The following PLEKHA7 variants were observed in gnomAD, a reference collection of about 807,000 sequenced individuals.
PLEKHA7 encodes the protein pleckstrin homology domain-containing family A member 7.
PLEKHA7 carries 104 observed loss-of-function variants against 170.0 expected under a neutral mutation model. That is an observed-to-expected ratio of 0.61 (90% CI 0.52 to 0.72). The LOEUF is 0.72. Among genes scored for constraint, PLEKHA7 ranks in the 30% least tolerant of loss-of-function variants. The pLI, the probability that PLEKHA7 is intolerant of heterozygous loss-of-function variation, is 0.00. For missense variants in PLEKHA7, 1,615 were observed against 1,671.7 expected (o/e 0.97, Z 0.59); for synonymous variants, 648 against 660.8 (o/e 0.98, Z 0.30).
chr11:16,869,802 G>GT (rs773065399), intron 4 of PLEKHA7, among the ~76,000 whole-genome samples: 1 of 152,154 alleles, frequency 6.6e-6, no homozygotes, highest in Non-Finnish European at 1.5e-5. Flanking sequence ...GTTTAAAGGT[G>GT]TAGATACTAA....
intron 3 of PLEKHA7, among the ~76,000 whole-genome samples, chr11:16,948,695 G>C (rs1861214621): frequency 6.6e-6 from 1 of 152,098 alleles, no homozygotes; most frequent in East Asian, 1.9e-4. Context: ...AGCTTCTCTT[G>C]CAAGTTCACA....
chr11:16,992,248 G>C (rs1259069572), intron 3 of PLEKHA7, among the ~76,000 whole-genome samples: 1 of 152,192 alleles, frequency 6.6e-6, no homozygotes. Flanking sequence ...CGCCACTGAA[G>C]GGCTGGGTGG....
intron 8 of PLEKHA7, chr11:16,842,334 G>T (rs380655): frequency 0.15 from 22,511 of 154,608 alleles, 1,891 homozygotes; most frequent in African/African-American, 0.22. Context: ...TGGCTAGGCG[G>T]GTGTCCCCTT....
At chr11:16,962,647 G>A (rs1862136561) in intron 3 of PLEKHA7, among the ~76,000 whole-genome samples, 1 of 152,278 alleles carries the variant, frequency 6.6e-6, no homozygotes, top group Admixed American at 6.5e-5. Context: ...TTTTAGTAGA[G>A]ATGTGGTTTC....
intron 3 of PLEKHA7, among the ~76,000 whole-genome samples, chr11:16,894,247 C>T (rs1033373174): frequency 6.6e-6 from 1 of 152,188 alleles, no homozygotes; most frequent in Non-Finnish European, 1.5e-5. Flanking sequence ...CTCACTATCT[C>T]ACTTCTAGGA....
intron 3 of PLEKHA7, among the ~76,000 whole-genome samples, chr11:16,951,660 A>T (rs1278240491): frequency 2.0e-5 from 3 of 152,214 alleles, no homozygotes; most frequent in African/African-American, 7.2e-5. Flanking sequence ...TTTAGAGGCA[A>T]TGCAAAACCA....
intron 3 of PLEKHA7, among the ~76,000 whole-genome samples, chr11:16,994,133 A>G (rs1051566703): frequency 9.9e-5 from 15 of 152,174 alleles, no homozygotes; most frequent in African/African-American, 3.6e-4. Context: ...CACCAAGCAC[A>G]CAGGCCTGGA....
In PLEKHA7 at chr11:16,808,849, C is replaced by T. The variant is rs182061055; in HGVS notation, c.2007+4264G>A. ...TGCCAAGAATACAATTCAACGAACA[C>T]GACTTTAGAGTGGGCAAAGCGTGTG... On this transcript the variant is annotated intron_variant, in intron 13 of 26. Transcript: ENST00000531066. 3.1e-3 allele frequency among the ~76,000 whole-genome samples: 478 copies of T among 152,262 alleles called. 1 individual carries two copies. Among genetic ancestry groups the T allele is most frequent in the Non-Finnish European group, 4.1e-3 (278 of 68,018 alleles).
In PLEKHA7 at chr11:16,816,829, G is replaced by A. The variant is rs748470151; in HGVS notation, c.1837C>T (p.Pro613Ser). The change falls in exon 11 of 27, where the codon CCA becomes TCA. Residue 613 changes from proline to serine, a missense_variant. Physicochemically the swap from Pro to Ser is moderately conservative, Grantham distance 74. Transcript: ENST00000531066. Reference sequence around the variant, plus strand: ...ACAGCGTGGCCCCGTGCCCTCCTTGGAGAATCCCCCAGCGAGATGTCCACA... The same window carrying A: ...ACAGCGTGGCCCCGTGCCCTCCTTGAAGAATCCCCCAGCGAGATGTCCACA... ...RSVDISLGDS[P>S]RRARGHAVKN... 5.0e-6 allele frequency: 8 copies of A among 1,614,104 alleles called. No individual in the cohort carries two copies. The highest frequency in any genetic ancestry group is 1.7e-4 in the Middle Eastern group (1 of 6,034).
chr11:16,847,842 C>CAAAAAAAAAAAAAAAAAAAAAAAAAAAA (rs35191685), intron 8 of PLEKHA7, among the ~76,000 whole-genome samples: 1 of 101,466 alleles, frequency 9.9e-6, no homozygotes. Context: ...AATTCTGTCT[C>CAAAAAAAAAAAAAAAAAAAAAAAAAAAA]AAAAAAAAAA....
intron 3 of PLEKHA7, among the ~76,000 whole-genome samples, chr11:16,877,471 G>C (rs1855388839): frequency 6.6e-6 from 1 of 152,152 alleles, no homozygotes; most frequent in African/African-American, 2.4e-5. Flanking sequence ...TAAGCTCCTT[G>C]TGACTAATTT....
chr11:16,811,642 G>A (rs868659933), intron 13 of PLEKHA7, among the ~76,000 whole-genome samples: 1 of 152,198 alleles, frequency 6.6e-6, no homozygotes, highest in Admixed American at 6.5e-5. Flanking sequence ...ACCATACTTA[G>A]AGCAGTCACT....
At position 16,816,169 on chromosome 11, in the gene PLEKHA7, T is replaced by A. The variant is rs764648720; in HGVS notation, c.1953+9A>T. The stretch of plus-strand genomic sequence containing the variant: ...GGCTTTGCAGGCTATGTCTTGTCAT[T>A]CACCCTACCGATTTTCCATGTAAAC... On this transcript the variant is annotated intron_variant, in intron 12 of 26. Transcript: ENST00000531066. 3.1e-6 allele frequency: 5 copies of A among 1,604,290 alleles called. No homozygotes were observed. Among genetic ancestry groups the A allele is most frequent in the Non-Finnish European group, 4.3e-6 (5 of 1,171,094 alleles).
chr11:16,944,562 T>G (rs1462166161), intron 3 of PLEKHA7, among the ~76,000 whole-genome samples: 2 of 146,188 alleles, frequency 1.4e-5, no homozygotes, highest in Non-Finnish European at 3.0e-5. Context: ...AAAAAAAAAT[T>G]CAATGTGCAA....
At chr11:16,916,946 C>T (rs762317522) in intron 3 of PLEKHA7, among the ~76,000 whole-genome samples, 3 of 152,164 alleles carry the variant, frequency 2.0e-5, no homozygotes, top group Non-Finnish European at 4.4e-5. Context: ...AGGCCGGGCA[C>T]GGTGGCTCAC....
At chr11:16,951,809 G>A (rs1255667723) in intron 3 of PLEKHA7, among the ~76,000 whole-genome samples, 1 of 152,234 alleles carries the variant, frequency 6.6e-6, no homozygotes, top group Non-Finnish European at 1.5e-5. Context: ...CCAAAGGGAT[G>A]AGACTGGATG....
intron 9 of PLEKHA7, among the ~76,000 whole-genome samples, chr11:16,833,576 A>G (rs530531431): frequency 3.3e-5 from 5 of 152,084 alleles, no homozygotes; most frequent in African/African-American, 1.2e-4. Flanking sequence ...TGGGAGATAC[A>G]TTTTTTTAAT....
intron 12 of PLEKHA7, among the ~76,000 whole-genome samples, chr11:16,815,577 T>C (rs1360497437): frequency 1.3e-5 from 2 of 152,150 alleles, no homozygotes; most frequent in East Asian, 3.9e-4. Flanking sequence ...CAGGCTGGAG[T>C]GCAGCAGCGT....
At chr11:17,000,569 T>G (rs950544739) in intron 3 of PLEKHA7, among the ~76,000 whole-genome samples, 1 of 152,144 alleles carries the variant, frequency 6.6e-6, no homozygotes, top group African/African-American at 2.4e-5. Flanking sequence ...TTAGGAGATC[T>G]CCCCAAAGAG....
Sources: allele counts gnomAD v4.1 joint callset (sites outside exome capture counted in the v4.1 genomes callset), GRCh38; gene constraint gnomAD v4.1.1; transcripts MANE v1.5; gene names NCBI Gene and HGNC (gene_info 2026-07-23, HGNC 2026-07-21).